The following CAPN12 variants were observed in gnomAD, a reference collection of about 807,000 sequenced individuals.
CAPN12 encodes calpain-12.
Under a neutral mutation model 95.0 loss-of-function variants are expected in CAPN12, and 107 were observed. That is an observed-to-expected ratio of 1.13 (90% CI 0.96 to 1.32). The LOEUF is 1.32. Among genes scored for constraint, CAPN12 ranks in the 40% most tolerant of loss-of-function variants. CAPN12 has a pLI of 0.00. For missense variants in CAPN12, 1,136 were observed against 997.8 expected, an observed-to-expected ratio of 1.14 and a Z score of -1.87; for synonymous variants, 505 against 415.5, an observed-to-expected ratio of 1.22 and a Z score of -2.62.
chr19:38,730,458 T>C lies in CAPN12; in HGVS notation c.*394A>G. 1 of 215,152 alleles carries C rather than the reference T, an allele frequency of 4.6e-6. No homozygotes were observed. 13.3% of individuals were successfully genotyped at this position (215,152 alleles called of 1,614,324 possible). ...TTTTTTTTGAGTTTATTCTGATTGATTTTTTTTCTTGGTTTCTGGATAAAC... is the reference window on the plus strand; with the variant it reads ...TTTTTTTTGAGTTTATTCTGATTGACTTTTTTTCTTGGTTTCTGGATAAAC... On this transcript the variant is annotated 3_prime_UTR_variant, in exon 21 of 21. Transcript: ENST00000328867.
Position 38,744,463 on chromosome 19 carries a change from AAGG to A in CAPN12, c.-301_-299del, listed in dbSNP as rs1568331310. ...CGGCTGCCGCTGTCAGAGCACCAAG[AAGG>A]AGGTCAGTGTGGGGGTGAGCTTCTG... On this transcript the variant is annotated 5_prime_UTR_variant, in exon 1 of 21. Coordinates refer to ENST00000328867, the MANE Select transcript of CAPN12 (RefSeq NM_144691.4). 4.1e-6 allele frequency: 2 copies of A among 490,072 alleles called. No individual in the cohort carries two copies. The highest frequency in any genetic ancestry group is 3.9e-5 in the East Asian group (1 of 25,702). 30.4% of individuals were successfully genotyped at this position (490,072 alleles called of 1,614,324 possible).
chr19:38,741,966 G>GC (rs1970572902), intron 3 of CAPN12, 56 bp from the exon 4 acceptor site: 2 of 1,592,362 alleles, frequency 1.3e-6, no homozygotes, highest in Non-Finnish European at 1.7e-6. Context: ...CCCTGCCTGG[G>GC]CCCTGCCTCT....
intron 15 of CAPN12, 101 bp from the exon 16 acceptor site, chr19:38,734,490 T>C (rs1568771179): frequency 1.9e-6 from 2 of 1,041,104 alleles, no homozygotes; most frequent in East Asian, 5.0e-5. Context: ...ATGTTGTCAG[T>C]CCCATATTAT....
rs1439143091 is a variant in CAPN12 at position 38,743,967 on chromosome 19, A to T, written c.199T>A (p.Ser67Thr). ...ALGYDQLGPDSEKAKGVKWMR... is the reference protein window; with the variant it reads ...ALGYDQLGPDTEKAKGVKWMR... ...CATTTCACGCCTTTGGCCTTCTCCG[A>T]GTCCGGCCCCAGCTGGTCATAGCCA... Residue 67 changes from serine (S) to threonine (T), a missense_variant, in exon 1 of 21, where the codon TCG (serine) becomes ACG (threonine). Ser to Thr is a moderately conservative substitution (Grantham distance 58). Transcript: ENST00000328867. 1 of 1,614,068 alleles carries T rather than the reference A, an allele frequency of 6.2e-7. No individual in the cohort carries two copies. The highest frequency in any genetic ancestry group is 1.1e-5 in the South Asian group (1 of 91,086).
intron 4 of CAPN12, 113 bp downstream of exon 4, chr19:38,741,664 T>C: frequency 7.4e-7 from 1 of 1,349,080 alleles, no homozygotes; most frequent in Non-Finnish European, 1.0e-6. Context: ...GGTTTGGGAT[T>C]CTTGGTGGGG....
intron 10 of CAPN12, 26 bp from the exon 11 acceptor site, chr19:38,736,589 T>G: frequency 6.2e-7 from 1 of 1,602,540 alleles, no homozygotes. Flanking sequence ...GCAAGGGGCG[T>G]CGGGGCAGGG....
intron 1 of CAPN12, among the ~76,000 whole-genome samples, chr19:38,743,395 A>T (rs112434578): frequency 4.0e-5 from 4 of 100,140 alleles, no homozygotes; most frequent in African/African-American, 1.5e-4. Flanking sequence ...CAGACCCAGG[A>T]GTCCAGGTCC....
Position 38,736,179 on chromosome 19 carries a change from C to G in CAPN12, c.1514G>C (p.Ser505Thr). ...LRPGHYLVVP[S>T]TAHAGDEADF... ...AGCCTCGTCGCCGGCGTGGGCGGTGCTCGGCACCACCAGGTAGTGGCCTGG... is the reference window on the plus strand; with the variant it reads ...AGCCTCGTCGCCGGCGTGGGCGGTGGTCGGCACCACCAGGTAGTGGCCTGG... The change falls in exon 12 of 21, where the codon AGC becomes ACC. Residue 505 changes from serine to threonine, a missense_variant. Coordinates refer to ENST00000328867, the MANE Select transcript of CAPN12 (RefSeq NM_144691.4). 2.0e-6 allele frequency: 3 copies of G among 1,513,302 alleles called. No individual in the cohort carries two copies. The highest frequency in any genetic ancestry group is 1.8e-6 in the Non-Finnish European group (2 of 1,134,840). The allele number at this position is 1,513,302 out of a possible 1,614,324, so 93.7% of individuals were successfully genotyped here.
Position 38,741,904 on chromosome 19 carries a change from G to T in CAPN12, c.433C>A (p.Gln145Lys), listed in dbSNP as rs1420324044. The T allele has an allele frequency of 9.3e-6, 15 of 1,613,660 alleles. No homozygotes were observed. The highest frequency in any genetic ancestry group is 1.3e-5 in the Non-Finnish European group (15 of 1,179,986). ...YAGVFHFQLW[Q>K]FGRWMDVVVD... ...ACGACGTCCATCCAGCGGCCAAACT[G>T]CCAGAGCTGGTGGGAGAAGATGCAG... The change falls in exon 4 of 21, where the codon CAG (glutamine) becomes AAG (lysine). Residue 145 changes from glutamine to lysine, a missense_variant. Coordinates refer to ENST00000328867, the MANE Select transcript of CAPN12 (RefSeq NM_144691.4).
Position 38,730,623 on chromosome 19 carries a change from A to G in CAPN12, c.*229T>C. On this transcript the variant is annotated 3_prime_UTR_variant, in exon 21 of 21. Coordinates refer to ENST00000328867, the MANE Select transcript of CAPN12 (RefSeq NM_144691.4). ...AGAGCTAGCACTGTCTTAAGCTGTC[A>G]ACGTGGACTAGCTCGTGTCATCTGC... 1 of 608,276 alleles carries G rather than the reference A, an allele frequency of 1.6e-6. No homozygotes were observed. The allele number at this position is 608,276 out of a possible 1,614,324, so 37.7% of individuals were successfully genotyped here. A position where few individuals can be genotyped will look rare whatever the true frequency, so the allele number is the denominator to read the frequency against.
At chr19:38,739,930 T>C (rs1322809597) in intron 5 of CAPN12, 121 bp downstream of exon 5, 2 of 1,048,366 alleles carry the variant, frequency 1.9e-6, no homozygotes, top group Middle Eastern at 6.6e-4. Flanking sequence ...GTTAGATTTA[T>C]GAGCGAGCCT....
In CAPN12 at chr19:38,730,749, A is replaced by C; in HGVS notation, c.*103T>G. 1 of 1,410,774 alleles carries C rather than the reference A, an allele frequency of 7.1e-7. No individual in the cohort carries two copies. The highest frequency in any genetic ancestry group is 9.7e-7 in the Non-Finnish European group (1 of 1,026,766). 87.4% of individuals were successfully genotyped at this position (1,410,774 alleles called of 1,614,324 possible). ...TGAGGGCCAGAGACTAGCCCCAGACAGGTGGATGCCAGAGAGAGTGGCACC... is the reference window on the plus strand; with the variant it reads ...TGAGGGCCAGAGACTAGCCCCAGACCGGTGGATGCCAGAGAGAGTGGCACC... On this transcript the variant is annotated 3_prime_UTR_variant, in exon 21 of 21. Transcript: ENST00000328867.
chr19:38,736,668 C>CG, intron 10 of CAPN12, 105 bp from the exon 11 acceptor site: 1 of 1,301,136 alleles, frequency 7.7e-7, no homozygotes, highest in African/African-American at 1.5e-5. Context: ...CCTCCTTCTT[C>CG]GTCCTATTAG....
Position 38,740,034 on chromosome 19 carries a change from G to A in CAPN12, c.729+17C>T, listed in dbSNP as rs781270735. 3.4e-5 allele frequency: 53 copies of A among 1,540,638 alleles called. No homozygotes were observed. In the South Asian group the frequency reaches 5.4e-4, roughly 16 times the overall value. ...TGGTCCTGGTGGGGGTTCCGCATGC[G>A]AGTCCAGGTCTCTTACCAGGGCAGT... On this transcript the variant is annotated intron_variant, in intron 5 of 20. Transcript: ENST00000328867.
intron 20 of CAPN12, 26 bp downstream of exon 20, chr19:38,730,939 C>G: frequency 6.4e-7 from 1 of 1,550,526 alleles, no homozygotes; most frequent in Non-Finnish European, 8.7e-7. Flanking sequence ...GAGCCTGAGC[C>G]ACCCTGTCCC....
In CAPN12 at chr19:38,744,424, A is replaced by G; in HGVS notation, c.-259T>C. The G allele has an allele frequency of 1.8e-6, 1 of 554,522 alleles. No homozygotes were observed. Among genetic ancestry groups the G allele is most frequent in the South Asian group, 2.1e-5 (1 of 48,280 alleles). The allele number at this position is 554,522 out of a possible 1,614,324, so 34.4% of individuals were successfully genotyped here. Reference sequence around the variant, plus strand: ...CAGCAGCAGGAGAGAAGGCGGGCAGAGCTGAGGGAGGACCGGCTGCCGCTG... The same window carrying G: ...CAGCAGCAGGAGAGAAGGCGGGCAGGGCTGAGGGAGGACCGGCTGCCGCTG... On this transcript the variant is annotated 5_prime_UTR_variant, in exon 1 of 21. Transcript: ENST00000328867.
chr19:38,737,266 C>G lies in CAPN12; in HGVS notation c.1252G>C (p.Gly418Arg), dbSNP rs1970259077. ...GAAGARGPAR[G>R]GRTPKCTVLL... ...ACCGTGCACTTGGGCGTGCGGCCCC[C>G]CCGCGCTGGGCCCCGTGCCCCTGCA... The change falls in exon 10 of 21, where the codon GGG becomes CGG. Residue 418 changes from glycine (G) to arginine (R), a missense_variant. Physicochemically the swap from Gly to Arg is moderately radical, Grantham distance 125. Coordinates refer to ENST00000328867, the MANE Select transcript of CAPN12 (RefSeq NM_144691.4). 6.5e-7 allele frequency: 1 copy of G among 1,548,224 alleles called. No individual in the cohort carries two copies. The highest frequency in any genetic ancestry group is 1.4e-5 in the African/African-American group (1 of 72,410).
Position 38,734,346 on chromosome 19 carries a change from G to A in CAPN12, c.1788C>T (p.Thr596=), listed in dbSNP as rs756557291. 10 of 1,608,246 alleles carry A rather than the reference G, an allele frequency of 6.2e-6. No individual in the cohort carries two copies. In the Admixed American group the frequency reaches 6.7e-5, roughly 11 times the overall value. Residue 596 remains threonine (T), a synonymous_variant, in exon 16 of 21, where the codon ACC becomes ACT. Coordinates refer to ENST00000328867, the MANE Select transcript of CAPN12 (RefSeq NM_144691.4). ...TSTPREIGLR[T]CEQLLQCFGH... ...CGAAACACTGCAGCAGCTGCTCACA[G>A]GTCCTGAGCCCGATCTCTCTGGGGG...
chr19:38,734,943 C>G (rs1396445294), intron 14 of CAPN12, 73 bp from the exon 15 acceptor site: 2 of 1,451,212 alleles, frequency 1.4e-6, no homozygotes, highest in African/African-American at 2.8e-5. Flanking sequence ...GTGCTAGGGA[C>G]ACGGCAGGGG....
Sources: gnomAD v4.1 joint callset for allele counts (sites outside exome capture counted in the v4.1 genomes callset) on GRCh38, gnomAD v4.1.1 for gene constraint, MANE v1.5 for transcripts, NCBI Gene and HGNC (gene_info 2026-07-23, HGNC 2026-07-21) for gene names.